Variants in RBMS3 observed in about 807,000 individuals in gnomAD.
RBMS3 encodes RNA-binding motif, single-stranded-interacting protein 3.
A neutral mutation model predicts 66.8 loss-of-function variants in RBMS3; 27 were observed. The observed-to-expected ratio is 0.40, with a 90% CI of 0.30 to 0.56. The LOEUF is 0.56. Ranked by LOEUF, RBMS3 falls within the 20% of genes least tolerant of loss-of-function variation. The probability of loss-of-function intolerance (pLI) is 0.40; values close to 1 mark genes in which losing one functional copy is unlikely to be tolerated. For synonymous variants in RBMS3, 188 were observed against 183.0 expected (o/e 1.03, Z -0.22); for missense variants, 513 against 549.5 (o/e 0.93, Z 0.66).
Position 29,985,209 on chromosome 3 carries a change from G to C in RBMS3, c.1099-2934G>C, listed in dbSNP as rs1407848879. ...GGGAAAACAGCCTGCTCAAGCCTCA[G>C]TAAGGGCAGACACCCCTCCCCACAC... is the stretch of plus-strand genomic sequence containing the variant. On this transcript the variant is annotated intron_variant, in intron 12 of 14. Coordinates refer to ENST00000383767, the MANE Select transcript of RBMS3 (RefSeq NM_001003793.3). Among the ~76,000 whole-genome samples the C allele has an allele frequency of 2.0e-5, 3 of 152,184 alleles. No individual in the cohort carries two copies. The East Asian group carries it at 5.8e-4, about 29-fold the overall frequency.
At chr3:29,988,359 T>A in intron 13 of RBMS3, 136 bp downstream of exon 13, 1 of 670,330 alleles carries the variant, frequency 1.5e-6, no homozygotes, top group Non-Finnish European at 2.5e-6. Context: ...AAATTCAGTG[T>A]ATGAAAGTAT....
intron 2 of RBMS3, among the ~76,000 whole-genome samples, chr3:29,453,770 G>C (rs777570611): frequency 5.3e-5 from 8 of 152,230 alleles, no homozygotes; most frequent in Non-Finnish European, 7.3e-5. Flanking sequence ...GAAGAGGGCA[G>C]AATCAATATG....
At chr3:29,631,462 G>A (rs1005252992) in intron 4 of RBMS3, among the ~76,000 whole-genome samples, 17 of 151,684 alleles carry the variant, frequency 1.1e-4, no homozygotes, top group South Asian at 2.1e-4. Context: ...GAAATAAGGC[G>A]TTCAAATTTC....
chr3:29,332,340 C>T (rs555982479), intron 1 of RBMS3, among the ~76,000 whole-genome samples: 1 of 151,866 alleles, frequency 6.6e-6, no homozygotes, highest in East Asian at 1.9e-4. Context: ...TGTTTTTTTT[C>T]CTAAGGTCTT....
At chr3:29,481,436 A>C (rs780069720) in intron 2 of RBMS3, among the ~76,000 whole-genome samples, 5 of 152,198 alleles carry the variant, frequency 3.3e-5, no homozygotes, top group Non-Finnish European at 5.9e-5. Context: ...AGTTGATGGC[A>C]GTGAGAACCA....
rs566818376 is a variant in RBMS3, at chr3:29,420,287, G to C, written c.76-14456G>C. ...GGTGCCTTCCGGTCCTAGCAGCTGA[G>C]CCAGGGCCATCAATAAATCTTCTTC... is the stretch of plus-strand genomic sequence containing the variant. On this transcript the variant is annotated intron_variant, in intron 1 of 14. Transcript: ENST00000383767. 2.6e-5 allele frequency among the ~76,000 whole-genome samples: 4 copies of C among 152,230 alleles called. No individual in the cohort carries two copies. In the South Asian group the frequency reaches 8.3e-4, roughly 32 times the overall value.
intron 1 of RBMS3, among the ~76,000 whole-genome samples, chr3:29,402,994 C>A (rs2039876340): frequency 1.3e-5 from 2 of 151,566 alleles, no homozygotes; most frequent in East Asian, 1.9e-4. Context: ...TGTACAAGGT[C>A]CTGTAGCAAC....
At chr3:29,417,611 A>G (rs2040531582) in intron 1 of RBMS3, among the ~76,000 whole-genome samples, 2 of 152,292 alleles carry the variant, frequency 1.3e-5, no homozygotes, top group South Asian at 2.1e-4. Flanking sequence ...TCTGCATAGC[A>G]TAGTATTTGA....
At position 29,373,492 on chromosome 3, in the gene RBMS3, CAA is replaced by C. The variant is rs576395241; in HGVS notation, c.76-61250_76-61249del. Among the ~76,000 whole-genome samples the C allele has an allele frequency of 2.1e-3, 320 of 152,298 alleles. 3 individuals are homozygous for C. The highest frequency in any genetic ancestry group is 7.4e-3 in the African/African-American group (308 of 41,566). On this transcript the variant is annotated intron_variant, in intron 1 of 14. Transcript: ENST00000383767. ...TTAACCAAAAGATGCAGAAGGGAAA[CAA>C]GAGTCAGACTTGACCCCTAGACCTT... is the stretch of plus-strand genomic sequence containing the variant.
chr3:29,517,586 G>A (rs1049423149), intron 3 of RBMS3, among the ~76,000 whole-genome samples: 6 of 151,942 alleles, frequency 3.9e-5, no homozygotes, highest in Admixed American at 6.5e-5. Context: ...GCCTCCCGAA[G>A]TGCTGGGATT....
chr3:29,734,406 G>A (rs1268406340), intron 4 of RBMS3, among the ~76,000 whole-genome samples: 1 of 152,064 alleles, frequency 6.6e-6, no homozygotes, highest in Non-Finnish European at 1.5e-5. Flanking sequence ...GAGCTTGAAT[G>A]TTCCCAACAC....
At chr3:29,449,992 C>T (rs1461530188) in intron 2 of RBMS3, among the ~76,000 whole-genome samples, 1 of 152,138 alleles carries the variant, frequency 6.6e-6, no homozygotes, top group Non-Finnish European at 1.5e-5. Context: ...AATGGAGCAG[C>T]ATATTTCATG....
intron 3 of RBMS3, among the ~76,000 whole-genome samples, chr3:29,496,229 CA>C (rs1284561801): frequency 2.1e-5 from 3 of 144,680 alleles, no homozygotes; most frequent in South Asian, 2.2e-4. Context: ...AAAGAAAAGA[CA>C]AAAAAAAGTT....
chr3:29,463,993 G>C (rs764725779), intron 2 of RBMS3, among the ~76,000 whole-genome samples: 18 of 152,198 alleles, frequency 1.2e-4, no homozygotes, highest in Non-Finnish European at 2.4e-4. Flanking sequence ...ACATTGTTTA[G>C]TGAAACGTGG....
At chr3:29,420,389 G>T (rs2040661555) in intron 1 of RBMS3, among the ~76,000 whole-genome samples, 1 of 152,066 alleles carries the variant, frequency 6.6e-6, no homozygotes, top group South Asian at 2.1e-4. Flanking sequence ...TATCATTTAG[G>T]ATGCTGGGCA....
At position 29,311,030 on chromosome 3, in the gene RBMS3, T is replaced by C. The variant is rs188794053; in HGVS notation, c.75+29274T>C. On this transcript the variant is annotated intron_variant, in intron 1 of 14. Coordinates refer to ENST00000383767, the MANE Select transcript of RBMS3 (RefSeq NM_001003793.3). The stretch of plus-strand genomic sequence containing the variant: ...ATGTTTTATATCAATAGTGCCACTG[T>C]GTTATCACTCCTGAGTGCTGCTGCT... 1.5e-3 allele frequency among the ~76,000 whole-genome samples: 222 copies of C among 151,926 alleles called. 1 individual carries two copies. Among genetic ancestry groups the C allele is most frequent in the African/African-American group, 5.2e-3 (215 of 41,534 alleles).
intron 3 of RBMS3, among the ~76,000 whole-genome samples, chr3:29,496,764 A>G (rs1052660440): frequency 1.3e-5 from 2 of 152,226 alleles, no homozygotes; most frequent in African/African-American, 4.8e-5. Context: ...AAAACAAAAT[A>G]GGTATTTATG....
chr3:29,899,789 C>T, intron 10 of RBMS3, 34 bp downstream of exon 10: 1 of 1,594,908 alleles, frequency 6.3e-7, no homozygotes, highest in Non-Finnish European at 8.6e-7. Context: ...GCTAATATTT[C>T]TATTATCCAA....
At chr3:29,650,153 T>C (rs1225034271) in intron 4 of RBMS3, among the ~76,000 whole-genome samples, 2 of 152,178 alleles carry the variant, frequency 1.3e-5, no homozygotes, top group Non-Finnish European at 2.9e-5. Flanking sequence ...GTCTGAGATA[T>C]TTTCTTAAAA....
Sources: allele counts gnomAD v4.1 joint callset (sites outside exome capture counted in the v4.1 genomes callset), GRCh38; gene constraint gnomAD v4.1.1; transcripts MANE v1.5; gene names NCBI Gene and HGNC (gene_info 2026-07-23, HGNC 2026-07-21).